The following TRPM8 variants were observed in gnomAD, a reference collection of about 807,000 sequenced individuals.
TRPM8 encodes TRPM8 cationic channel.
A neutral mutation model predicts 133.7 loss-of-function variants in TRPM8; 110 were observed. The ratio of observed to expected loss-of-function variants is 0.82; its 90% CI spans 0.70 to 0.96. The LOEUF is 0.96. Among genes scored for constraint, TRPM8 ranks in the 40% least tolerant of loss-of-function variants. The pLI is 0.00. For synonymous variants in TRPM8, 535 were observed against 532.3 expected (o/e 1.01, Z -0.07); for missense variants, 1,291 against 1,379.5 (o/e 0.94, Z 1.02).
At chr2:233,967,427 C>T (rs1192824859) in intron 15 of TRPM8, among the ~76,000 whole-genome samples, 1 of 152,194 alleles carries the variant, frequency 6.6e-6, no homozygotes, top group African/African-American at 2.4e-5. Context: ...CGCTTGTCAG[C>T]CACAGCTGCT....
At chr2:233,992,763 G>C (rs1343918465) in intron 21 of TRPM8, among the ~76,000 whole-genome samples, 1 of 152,214 alleles carries the variant, frequency 6.6e-6, no homozygotes, top group Non-Finnish European at 1.5e-5. Context: ...TTGTCAAGGA[G>C]ACTTTAAGAA....
intron 17 of TRPM8, among the ~76,000 whole-genome samples, chr2:233,971,811 C>T (rs993191288): frequency 2.0e-4 from 31 of 152,024 alleles, no homozygotes; most frequent in Non-Finnish European, 4.0e-4. Flanking sequence ...TTGCATAGAG[C>T]GAAAGAACAA....
chr2:233,990,211 C>T (rs1692240634), intron 21 of TRPM8, among the ~76,000 whole-genome samples: 1 of 152,202 alleles, frequency 6.6e-6, no homozygotes, highest in South Asian at 2.1e-4. Flanking sequence ...ACAGGGGTCG[C>T]CTCATTTAAT....
chr2:234,014,836 CA>C (rs1412335857), intron 25 of TRPM8, 182 bp downstream of exon 25: 5 of 409,598 alleles, frequency 1.2e-5, no homozygotes, highest in Admixed American at 1.0e-4. Context: ...TTCCTCCTCA[CA>C]TTACCTTCCC....
intron 6 of TRPM8, 133 bp downstream of exon 6, chr2:233,942,881 C>A: frequency 1.0e-6 from 1 of 984,098 alleles, no homozygotes; most frequent in Non-Finnish European, 1.6e-6. Context: ...CAAGGAGTGC[C>A]TTTGGGACCT....
intron 7 of TRPM8, 114 bp downstream of exon 7, chr2:233,946,144 T>G (rs1387629331): frequency 3.0e-6 from 3 of 1,013,850 alleles, no homozygotes; most frequent in Non-Finnish European, 4.3e-6. Context: ...CCTGATCAGG[T>G]ATTTTTATTG....
chr2:233,957,876 C>T (rs1441966613), intron 11 of TRPM8, among the ~76,000 whole-genome samples: 1 of 152,156 alleles, frequency 6.6e-6, no homozygotes, highest in East Asian at 1.9e-4. Context: ...CAGTGTTTAC[C>T]GTTACCCAAC....
At chr2:233,924,524 G>T (rs1428425365) in intron 1 of TRPM8, among the ~76,000 whole-genome samples, 1 of 152,106 alleles carries the variant, frequency 6.6e-6, no homozygotes, top group Non-Finnish European at 1.5e-5. Flanking sequence ...CAAACCTGCA[G>T]TACTGGGATA....
chr2:234,017,394 C>G lies in TRPM8; in HGVS notation c.*138C>G. 1 of 470,494 alleles carries G rather than the reference C, an allele frequency of 2.1e-6. No individual in the cohort carries two copies. Among genetic ancestry groups the G allele is most frequent in the South Asian group, 1.6e-5 (1 of 64,412 alleles). The allele number at this position is 470,494 out of a possible 1,614,324, so 29.1% of individuals were successfully genotyped here. A position where few individuals can be genotyped will look rare whatever the true frequency, so the allele number is the denominator to read the frequency against. On this transcript the variant is annotated 3_prime_UTR_variant, in exon 26 of 26. Transcript: ENST00000324695. The stretch of plus-strand genomic sequence containing the variant: ...TACATGGTGGATGATTTTAAATCAC[C>G]CTAGTGTGCTGAGACCTTGAGAATA...
Position 233,996,431 on chromosome 2 carries a change from C to T in TRPM8, c.3045C>T (p.Phe1015=). 1 of 1,614,188 alleles carries T rather than the reference C, an allele frequency of 6.2e-7. No homozygotes were observed. The highest frequency in any genetic ancestry group is 8.5e-7 in the Non-Finnish European group (1 of 1,180,034). Residue 1015 remains phenylalanine, a synonymous_variant, in exon 22 of 26, where the codon TTC becomes TTT. Transcript: ENST00000324695. ...YCSRLNIPFP[F]IVFAYFYMVV... ...GCCGCCTCAATATCCCCTTCCCCTT[C>T]ATCGTCTTCGCTTACTTCTACATGG...
At chr2:233,997,887 C>A (rs1200039781) in intron 22 of TRPM8, among the ~76,000 whole-genome samples, 1 of 152,140 alleles carries the variant, frequency 6.6e-6, no homozygotes, top group African/African-American at 2.4e-5. Flanking sequence ...AGCCACATGT[C>A]CTTTGAATGC....
intron 18 of TRPM8, among the ~76,000 whole-genome samples, chr2:233,980,569 T>G (rs556575482): frequency 6.6e-6 from 1 of 152,304 alleles, no homozygotes; most frequent in East Asian, 1.9e-4. Flanking sequence ...GGTTTCATCA[T>G]GTTGTCCAGG....
intron 17 of TRPM8, among the ~76,000 whole-genome samples, chr2:233,973,922 C>T (rs554851562): frequency 1.3e-5 from 2 of 152,326 alleles, no homozygotes; most frequent in South Asian, 4.1e-4. Flanking sequence ...CTGGGTGAGG[C>T]CCTGCGTTTT....
At chr2:233,945,292 G>T (rs1385531084) in intron 6 of TRPM8, among the ~76,000 whole-genome samples, 5 of 152,032 alleles carry the variant, frequency 3.3e-5, no homozygotes, top group African/African-American at 1.2e-4. Flanking sequence ...TTATTCTCTG[G>T]TATTTTGGGA....
Position 233,970,376 on chromosome 2 carries a change from C to T in TRPM8, c.2305C>T (p.Leu769=), listed in dbSNP as rs200982995. The T allele has an allele frequency of 6.8e-6, 11 of 1,614,152 alleles. No individual in the cohort carries two copies. In the East Asian group the frequency reaches 2.0e-4, roughly 29 times the overall value. ...CCATTCGGTGCCACACCCCCCCGAG[C>T]TGGTCCTGTACTCGCTGGTCTTTGT... The part of the protein sequence containing the change: ...DFHSVPHPPE[L]VLYSLVFVLF... Residue 769 remains leucine, a synonymous_variant, in exon 17 of 26, where the codon CTG becomes TTG. Transcript: ENST00000324695.
At chr2:233,947,544 AC>A in intron 8 of TRPM8, 2 of 1,296,416 alleles carry the variant, frequency 1.5e-6, no homozygotes, top group South Asian at 1.2e-5. Context: ...ATGTTTCCAG[AC>A]CACCTAAGGC....
intron 22 of TRPM8, among the ~76,000 whole-genome samples, chr2:233,998,443 C>G (rs1692463440): frequency 6.6e-6 from 1 of 152,146 alleles, no homozygotes; most frequent in South Asian, 2.1e-4. Flanking sequence ...CATCTTAGTA[C>G]TGAGAGTCCT....
At chr2:233,976,867 G>A (rs28902198) in intron 17 of TRPM8, among the ~76,000 whole-genome samples, 1 of 152,028 alleles carries the variant, frequency 6.6e-6, no homozygotes, top group African/African-American at 2.4e-5. Context: ...CGACACTTGG[G>A]GTCACTGTTT....
chr2:234,018,844 G>GT lies in TRPM8; in HGVS notation c.*1588_*1589insT, dbSNP rs1693022200. On this transcript the variant is annotated 3_prime_UTR_variant, in exon 26 of 26. Coordinates refer to ENST00000324695, the MANE Select transcript of TRPM8 (RefSeq NM_024080.5). ...GGGGTGACAGAGTGAGACTCCGACT[G>GT]AAAATAAATAAATAAATAAATAAAT... 1 of 47,578 alleles carries GT rather than the reference G, an allele frequency of 2.1e-5. No individual in the cohort carries two copies. The highest frequency in any genetic ancestry group is 3.7e-5 in the Non-Finnish European group (1 of 26,680). 2.9% of individuals were successfully genotyped at this position (47,578 alleles called of 1,614,324 possible). A position where few individuals can be genotyped will look rare whatever the true frequency, so the allele number is the denominator to read the frequency against.
Sources: allele counts gnomAD v4.1 joint callset (sites outside exome capture counted in the v4.1 genomes callset), GRCh38; gene constraint gnomAD v4.1.1; transcripts MANE v1.5; gene names NCBI Gene and HGNC (gene_info 2026-07-23, HGNC 2026-07-21).